Variants in SDK1 observed in about 807,000 individuals in gnomAD.
SDK1 encodes the protein sidekick cell adhesion molecule 1, also known as protein sidekick-1.
In SDK1, 157 loss-of-function variants were observed where a neutral mutation model predicts 245.5. The observed-to-expected ratio is 0.64, with a 90% CI of 0.56 to 0.73. SDK1 has a LOEUF of 0.73. Ranked by LOEUF, SDK1 falls within the 30% of genes least tolerant of loss-of-function variation. The probability of loss-of-function intolerance (pLI) is 0.00; values close to 1 mark genes in which losing one functional copy is unlikely to be tolerated. For missense variants in SDK1, 3,583 were observed against 3,002.3 expected, an observed-to-expected ratio of 1.19 and a Z score of -4.52; for synonymous variants, 1,647 against 1,278.5, an observed-to-expected ratio of 1.29 and a Z score of -6.15.
At chr7:3,503,635 C>G (rs908654888) in intron 1 of SDK1, among the ~76,000 whole-genome samples, 7 of 152,074 alleles carry the variant, frequency 4.6e-5, no homozygotes, top group African/African-American at 1.2e-4. Flanking sequence ...TATGACCATG[C>G]CACTGCACTC....
intron 1 of SDK1, among the ~76,000 whole-genome samples, chr7:3,605,654 A>G (rs923936619): frequency 6.6e-5 from 10 of 152,182 alleles, no homozygotes; most frequent in East Asian, 1.9e-4. Context: ...AATTTTCACT[A>G]TGTCTGATTA....
At chr7:3,552,070 G>A (rs1326377684) in intron 1 of SDK1, among the ~76,000 whole-genome samples, 3 of 150,530 alleles carry the variant, frequency 2.0e-5, no homozygotes, top group Admixed American at 6.6e-5. Flanking sequence ...CCGGAGCCTC[G>A]CTCTGTCGCC....
At chr7:3,609,222 A>AT (rs1227486705) in intron 1 of SDK1, among the ~76,000 whole-genome samples, 1 of 152,198 alleles carries the variant, frequency 6.6e-6, no homozygotes, top group Admixed American at 6.5e-5. Flanking sequence ...ATAAACAAGA[A>AT]TTTAGGTGTC....
chr7:3,587,561 G>A (rs2128634599), intron 1 of SDK1, among the ~76,000 whole-genome samples: 1 of 152,272 alleles, frequency 6.6e-6, no homozygotes, highest in South Asian at 2.1e-4. Context: ...AAGAGAGAAG[G>A]CAGTGTGAAT....
intron 4 of SDK1, among the ~76,000 whole-genome samples, chr7:3,819,654 AC>A (rs1779594654): frequency 1.3e-5 from 2 of 152,190 alleles, no homozygotes; most frequent in South Asian, 4.1e-4. Flanking sequence ...TTATAATAAA[AC>A]TCTATTGAAA....
At chr7:4,073,863 G>A (rs561799629) in intron 20 of SDK1, among the ~76,000 whole-genome samples, 1 of 152,262 alleles carries the variant, frequency 6.6e-6, no homozygotes, top group Admixed American at 6.5e-5. Flanking sequence ...TTGCAAGATC[G>A]AGTGTGTGGT....
intron 13 of SDK1, among the ~76,000 whole-genome samples, chr7:3,986,662 CA>C (rs1380005694): frequency 6.6e-6 from 1 of 152,044 alleles, no homozygotes; most frequent in African/African-American, 2.4e-5. Flanking sequence ...AGTTCAAGAC[CA>C]ACCTGGCCAA....
intron 4 of SDK1, among the ~76,000 whole-genome samples, chr7:3,784,742 A>T (rs1780848524): frequency 6.6e-6 from 1 of 152,240 alleles, no homozygotes; most frequent in Non-Finnish European, 1.5e-5. Context: ...AGGAAAGGGA[A>T]CCCTGTTGGT....
At chr7:3,365,575 T>C (rs1781066398) in intron 1 of SDK1, among the ~76,000 whole-genome samples, 1 of 152,244 alleles carries the variant, frequency 6.6e-6, no homozygotes, top group Non-Finnish European at 1.5e-5. Context: ...ACTTATTTGC[T>C]TTATCTTACT....
chr7:3,975,511 C>T (rs188273932), intron 13 of SDK1, among the ~76,000 whole-genome samples: 13 of 152,284 alleles, frequency 8.5e-5, no homozygotes, highest in South Asian at 4.1e-4. Context: ...GTATAGGAGC[C>T]GTGACTCATT....
intron 1 of SDK1, among the ~76,000 whole-genome samples, chr7:3,358,932 A>G (rs1300474346): frequency 6.6e-6 from 1 of 152,172 alleles, no homozygotes; most frequent in Non-Finnish European, 1.5e-5. Flanking sequence ...CATGGTTTAG[A>G]ACATTGGTGC....
At chr7:4,111,536 A>G (rs1350539771) in intron 23 of SDK1, among the ~76,000 whole-genome samples, 4 of 152,204 alleles carry the variant, frequency 2.6e-5, no homozygotes, top group Non-Finnish European at 5.9e-5. Flanking sequence ...TTAAAAAAAA[A>G]AAACAATGAG....
intron 1 of SDK1, among the ~76,000 whole-genome samples, chr7:3,580,962 C>G (rs1224059838): frequency 1.0e-5 from 1 of 95,704 alleles, no homozygotes; most frequent in Non-Finnish European, 1.9e-5. Context: ...GGGCAAGACT[C>G]CATCTCAAAA....
At chr7:3,872,169 C>G (rs1419858504) in intron 5 of SDK1, among the ~76,000 whole-genome samples, 1 of 152,026 alleles carries the variant, frequency 6.6e-6, no homozygotes, top group African/African-American at 2.4e-5. Context: ...CTTTCGTGTA[C>G]TTTTATATAT....
chr7:3,350,694 G>A (rs544813895), intron 1 of SDK1, among the ~76,000 whole-genome samples: 2 of 152,094 alleles, frequency 1.3e-5, no homozygotes, highest in Non-Finnish European at 2.9e-5. Context: ...TTTTCCTGGT[G>A]ATGTCTCATC....
intron 1 of SDK1, among the ~76,000 whole-genome samples, chr7:3,409,859 A>G (rs1377252465): frequency 6.6e-6 from 1 of 152,164 alleles, no homozygotes; most frequent in Non-Finnish European, 1.5e-5. Context: ...CTCTCCTAGC[A>G]GAGTTTAAGC....
rs1788400322 is a variant in SDK1 at position 4,265,345 on chromosome 7, C to T, written c.6603C>T (p.Gly2201=). The T allele has an allele frequency of 7.5e-6, 11 of 1,463,390 alleles. No homozygotes were observed. The highest frequency in any genetic ancestry group is 2.8e-5 in the South Asian group (2 of 70,700). The allele number at this position is 1,463,390 out of a possible 1,614,324, so 90.7% of individuals were successfully genotyped here. ...GCGTCTACACCCCCGCTGGCCCCGG[C>T]GCGCGAACTCCGCTCACCGGCTTCT... ...AGGVYTPAGP[G]ARTPLTGFSS... is the part of the protein sequence containing the mutation. Residue 2201 remains glycine, a synonymous_variant, in exon 45 of 45, where the codon GGC becomes GGT. Coordinates refer to ENST00000404826, the MANE Select transcript of SDK1 (RefSeq NM_152744.4).
At chr7:3,936,878 A>C (rs982818976) in intron 5 of SDK1, among the ~76,000 whole-genome samples, 2 of 152,096 alleles carry the variant, frequency 1.3e-5, no homozygotes, top group Non-Finnish European at 2.9e-5. Context: ...TTAGGAATGG[A>C]GAGAGCTGTT....
At chr7:3,784,825 G>T (rs962176530) in intron 4 of SDK1, among the ~76,000 whole-genome samples, 1 of 152,180 alleles carries the variant, frequency 6.6e-6, no homozygotes, top group African/African-American at 2.4e-5. Flanking sequence ...AAATAGAACT[G>T]CCATATGATC....
Sources: gnomAD v4.1 joint callset for allele counts (sites outside exome capture counted in the v4.1 genomes callset) on GRCh38, gnomAD v4.1.1 for gene constraint, MANE v1.5 for transcripts, NCBI Gene and HGNC (gene_info 2026-07-23, HGNC 2026-07-21) for gene names.